Variants in NELL1 observed in about 807,000 individuals in gnomAD.
NELL1 encodes the protein protein kinase C-binding protein NELL1.
In NELL1, 76 loss-of-function variants were observed where a neutral mutation model predicts 107.4. The observed-to-expected ratio is 0.71, with a 90% CI of 0.59 to 0.86. NELL1 has a LOEUF of 0.86. Among genes scored for constraint, NELL1 ranks in the 40% least tolerant of loss-of-function variants. The pLI is 0.00. For synonymous variants in NELL1, 353 were observed against 341.2 expected (o/e 1.03, Z -0.38); for missense variants, 1,024 against 1,005.5 (o/e 1.02, Z -0.25).
intron 14 of NELL1, among the ~76,000 whole-genome samples, chr11:21,336,674 T>TACACACAC (rs1555005791): frequency 0.33 from 42,813 of 129,290 alleles, 7,653 homozygotes; most frequent in South Asian, 0.43. Context: ...TATATATATA[T>TACACACAC]ACACACACAC....
At chr11:21,248,859 G>A (rs944401148) in intron 14 of NELL1, among the ~76,000 whole-genome samples, 1 of 152,070 alleles carries the variant, frequency 6.6e-6, no homozygotes, top group Non-Finnish European at 1.5e-5. Context: ...GTTTGTTTTT[G>A]TTTTTTATCC....
intron 8 of NELL1, 115 bp from the exon 9 acceptor site, chr11:20,928,262 G>A (rs942187198): frequency 1.5e-5 from 14 of 954,478 alleles, no homozygotes; most frequent in African/African-American, 9.7e-5. Flanking sequence ...CTGGGAATTC[G>A]AATACTGCTT....
In NELL1 at chr11:21,536,071, C is replaced by A. The variant is rs573497422; in HGVS notation, c.1786+1557C>A. Among the ~76,000 whole-genome samples the A allele has an allele frequency of 5.3e-5, 8 of 152,134 alleles. 1 individual carries two copies. In the South Asian group the frequency reaches 1.0e-3, roughly 20 times the overall value. ...CTTAGATTTTTTAGTGCACAAAGGACCTTAGAGACCAGCTAGTTAAGCCAA... is the reference window on the plus strand; with the variant it reads ...CTTAGATTTTTTAGTGCACAAAGGAACTTAGAGACCAGCTAGTTAAGCCAA... On this transcript the variant is annotated intron_variant, in intron 16 of 19. Transcript: ENST00000357134.
chr11:21,242,382 T>C (rs778070385), intron 14 of NELL1, among the ~76,000 whole-genome samples: 4 of 152,090 alleles, frequency 2.6e-5, no homozygotes, highest in Non-Finnish European at 4.4e-5. Flanking sequence ...GGGACCATTA[T>C]GAAAGCAGCA....
intron 14 of NELL1, among the ~76,000 whole-genome samples, chr11:21,341,517 G>A (rs1183455389): frequency 1.3e-5 from 2 of 152,176 alleles, no homozygotes; most frequent in Non-Finnish European, 2.9e-5. Flanking sequence ...TAGTGTTTAT[G>A]ACTGTAGGAG....
chr11:21,571,374 T>C (rs1318734193), intron 18 of NELL1, among the ~76,000 whole-genome samples: 1 of 151,846 alleles, frequency 6.6e-6, no homozygotes, highest in Non-Finnish European at 1.5e-5. Context: ...AGAATCTAAA[T>C]GTGGTCCTCC....
chr11:21,184,747 G>T (rs1455348773), intron 13 of NELL1, among the ~76,000 whole-genome samples: 1 of 151,806 alleles, frequency 6.6e-6, no homozygotes, highest in African/African-American at 2.4e-5. Flanking sequence ...TTTTTAACGA[G>T]GAGTTTTGAT....
chr11:20,863,860 C>A (rs1849041754), intron 4 of NELL1, among the ~76,000 whole-genome samples: 1 of 152,190 alleles, frequency 6.6e-6, no homozygotes, highest in African/African-American at 2.4e-5. Flanking sequence ...AATCCCGGCA[C>A]CTCAGGAGGC....
At chr11:21,137,002 T>C (rs1435258994) in intron 13 of NELL1, among the ~76,000 whole-genome samples, 1 of 152,226 alleles carries the variant, frequency 6.6e-6, no homozygotes, top group Non-Finnish European at 1.5e-5. Context: ...ATTACTGTTA[T>C]GGAATCTAAC....
chr11:21,438,559 C>T (rs908786586), intron 15 of NELL1, among the ~76,000 whole-genome samples: 1 of 151,962 alleles, frequency 6.6e-6, no homozygotes, highest in Admixed American at 6.6e-5. Context: ...TTTTTTATGC[C>T]TGTTCACATT....
intron 13 of NELL1, among the ~76,000 whole-genome samples, chr11:21,209,862 A>G (rs1453456145): frequency 6.6e-6 from 1 of 152,158 alleles, no homozygotes; most frequent in African/African-American, 2.4e-5. Flanking sequence ...ACCTCAAAGA[A>G]ACTGATACTC....
intron 2 of NELL1, among the ~76,000 whole-genome samples, chr11:20,685,819 G>A (rs940220039): frequency 4.6e-5 from 7 of 152,092 alleles, no homozygotes; most frequent in African/African-American, 7.2e-5. Flanking sequence ...GCAGAAGACT[G>A]GGGAAGGGCA....
intron 3 of NELL1, among the ~76,000 whole-genome samples, chr11:20,788,388 A>T (rs923184241): frequency 5.9e-5 from 9 of 152,220 alleles, no homozygotes; most frequent in South Asian, 2.1e-4. Flanking sequence ...TTTTGATGAT[A>T]GACATTCTAA....
intron 5 of NELL1, among the ~76,000 whole-genome samples, chr11:20,915,717 A>ATATATATATATATATAT: frequency 2.5e-3 from 148 of 58,230 alleles, no homozygotes; most frequent in Non-Finnish European, 3.5e-3. Context: ...ATATATATAT[A>ATATATATATATATATAT]TTTTTTTTTT....
chr11:21,016,064 A>T (rs928020718), intron 12 of NELL1, among the ~76,000 whole-genome samples: 2 of 152,084 alleles, frequency 1.3e-5, no homozygotes, highest in Non-Finnish European at 2.9e-5. Flanking sequence ...AGCGACTGCC[A>T]TTGTGGTGCT....
intron 3 of NELL1, among the ~76,000 whole-genome samples, chr11:20,835,824 C>T (rs1848524872): frequency 6.6e-6 from 1 of 151,984 alleles, no homozygotes; most frequent in African/African-American, 2.4e-5. Context: ...CTGTAAAAAT[C>T]CTAAAAGAAA....
intron 2 of NELL1, among the ~76,000 whole-genome samples, chr11:20,757,241 A>T (rs188458640): frequency 1.7e-3 from 258 of 152,142 alleles, no homozygotes; most frequent in South Asian, 0.011. Context: ...TTACATTCAC[A>T]ATGTTGTGCA....
At chr11:20,785,206 T>G (rs957189872) in intron 3 of NELL1, among the ~76,000 whole-genome samples, 4 of 152,180 alleles carry the variant, frequency 2.6e-5, no homozygotes, top group African/African-American at 4.8e-5. Flanking sequence ...ATGCAGACTT[T>G]TGGTAGTTGT....
At chr11:21,395,621 A>G (rs1326671352) in intron 15 of NELL1, among the ~76,000 whole-genome samples, 1 of 151,608 alleles carries the variant, frequency 6.6e-6, no homozygotes, top group African/African-American at 2.4e-5. Flanking sequence ...TCTTCATGAT[A>G]CAGTGGAATC....
Sources: allele counts gnomAD v4.1 joint callset (sites outside exome capture counted in the v4.1 genomes callset), GRCh38; gene constraint gnomAD v4.1.1; transcripts MANE v1.5; gene names NCBI Gene and HGNC (gene_info 2026-07-23, HGNC 2026-07-21).